ALCAM: variants seen among roughly 807,000 people sequenced by gnomAD.
The protein encoded by ALCAM is CD166 antigen.
A neutral mutation model predicts 70.9 loss-of-function variants in ALCAM; 30 were observed. The observed-to-expected ratio is 0.42, with a 90% confidence interval of 0.32 to 0.57. The LOEUF is 0.57. Among genes scored for constraint, ALCAM ranks in the 20% least tolerant of loss-of-function variants. The pLI, the probability that ALCAM is intolerant of heterozygous loss-of-function variation, is 0.11. For missense variants in ALCAM, 591 were observed against 695.1 expected (o/e 0.85, Z 1.68); for synonymous variants, 249 against 242.5 (o/e 1.03, Z -0.25).
chr3:105,402,451 C>T (rs1936112150), intron 1 of ALCAM, among the ~76,000 whole-genome samples: 1 of 152,164 alleles, frequency 6.6e-6, no homozygotes, highest in South Asian at 2.1e-4. Context: ...TGTGAGTCAG[C>T]TTGCTTTCTC....
At chr3:105,395,241 A>C (rs1445053077) in intron 1 of ALCAM, among the ~76,000 whole-genome samples, 1 of 151,958 alleles carries the variant, frequency 6.6e-6, no homozygotes, top group African/African-American at 2.4e-5. Context: ...AGTGACCACA[A>C]TGGAATATGT....
chr3:105,396,305 G>A (rs924022079), intron 1 of ALCAM, among the ~76,000 whole-genome samples: 13 of 151,852 alleles, frequency 8.6e-5, no homozygotes, highest in Admixed American at 5.9e-4. Context: ...AGAAATAGGA[G>A]GTTTAGGAGC....
intron 1 of ALCAM, among the ~76,000 whole-genome samples, chr3:105,395,452 T>A (rs987242172): frequency 6.6e-6 from 1 of 152,040 alleles, no homozygotes; most frequent in African/African-American, 2.4e-5. Context: ...TAAATTGTTA[T>A]GTATGTATAC....
chr3:105,557,900 A>G (rs1047709482), intron 14 of ALCAM, among the ~76,000 whole-genome samples: 1 of 152,168 alleles, frequency 6.6e-6, no homozygotes. Context: ...TTCTAAGGTT[A>G]TAAAATTGTA....
intron 7 of ALCAM, 47 bp from the exon 8 acceptor site, chr3:105,541,586 T>C (rs1420223056): frequency 5.6e-6 from 9 of 1,597,800 alleles, no homozygotes; most frequent in African/African-American, 1.3e-5. Flanking sequence ...ACTGTTCTCA[T>C]TGTAGCGACC....
chr3:105,389,421 AATAATGGGCTTCTCTG>A (rs1935753796), intron 1 of ALCAM, among the ~76,000 whole-genome samples: 1 of 115,760 alleles, frequency 8.6e-6, no homozygotes, highest in East Asian at 2.6e-4. Flanking sequence ...CAGGAACCTT[AATAATGGGCTTCTCTG>A]AAAGGGAGGC....
At position 105,545,351 on chromosome 3, in the gene ALCAM, G is replaced by C; in HGVS notation, c.1104+16G>C. On this transcript the variant is annotated intron_variant, in intron 9 of 15. Coordinates refer to ENST00000306107, the MANE Select transcript of ALCAM (RefSeq NM_001627.4). The stretch of plus-strand genomic sequence containing the variant: ...ATGGATGAAAGTAAGTAATATTTTT[G>C]GTACTACCCTGCTGTTTGGTTTGAT... 6.4e-7 allele frequency: 1 copy of C among 1,559,092 alleles called. No individual in the cohort carries two copies. The highest frequency in any genetic ancestry group is 8.8e-7 in the Non-Finnish European group (1 of 1,131,978).
intron 1 of ALCAM, among the ~76,000 whole-genome samples, chr3:105,416,318 T>C (rs1049827139): frequency 2.0e-5 from 3 of 152,028 alleles, no homozygotes; most frequent in Non-Finnish European, 4.4e-5. Flanking sequence ...TAACACTCTT[T>C]TAATACACCC....
At chr3:105,497,571 C>T (rs796674129) in intron 1 of ALCAM, among the ~76,000 whole-genome samples, 1 of 152,094 alleles carries the variant, frequency 6.6e-6, no homozygotes, top group Non-Finnish European at 1.5e-5. Flanking sequence ...ATAATAAACG[C>T]CCATCATGGT....
intron 1 of ALCAM, among the ~76,000 whole-genome samples, chr3:105,432,216 G>T (rs779867985): frequency 9.2e-5 from 14 of 152,044 alleles, no homozygotes; most frequent in African/African-American, 2.2e-4. Flanking sequence ...TCGTTTTAGG[G>T]TTTGTTTAAA....
At chr3:105,536,106 T>TG (rs1180971565) in intron 6 of ALCAM, among the ~76,000 whole-genome samples, 1 of 151,690 alleles carries the variant, frequency 6.6e-6, no homozygotes, top group East Asian at 1.9e-4. Context: ...TTTTTTTTTT[T>TG]TGTGTGAGAC....
At chr3:105,382,779 A>G (rs544670893) in intron 1 of ALCAM, among the ~76,000 whole-genome samples, 86 of 151,746 alleles carry the variant, frequency 5.7e-4, no homozygotes, top group African/African-American at 2.0e-3. Flanking sequence ...CCACTTTTTG[A>G]TGGGGTTGTT....
chr3:105,442,614 T>C (rs2152584840), intron 1 of ALCAM, among the ~76,000 whole-genome samples: 1 of 151,938 alleles, frequency 6.6e-6, no homozygotes, highest in South Asian at 2.1e-4. Context: ...ACCCCATCTC[T>C]ACTAAAAACA....
At chr3:105,367,567 G>T (rs936739430) in intron 1 of ALCAM, 86 bp downstream of exon 1, 15 of 1,518,688 alleles carry the variant, frequency 9.9e-6, no homozygotes, top group African/African-American at 1.4e-5. Flanking sequence ...CACCCCCGAG[G>T]CAGTGCGCCC....
chr3:105,381,093 A>G (rs897810959), intron 1 of ALCAM, among the ~76,000 whole-genome samples: 2 of 151,950 alleles, frequency 1.3e-5, no homozygotes, highest in Admixed American at 1.3e-4. Context: ...TGCAATGGGA[A>G]TAATAGCACC....
At chr3:105,562,364 G>T (rs1431227134) in intron 14 of ALCAM, among the ~76,000 whole-genome samples, 2 of 151,980 alleles carry the variant, frequency 1.3e-5, no homozygotes, top group African/African-American at 2.4e-5. Flanking sequence ...CAAATTGTTG[G>T]ATTTTCTCAA....
At chr3:105,406,061 T>G (rs1189306003) in intron 1 of ALCAM, among the ~76,000 whole-genome samples, 2 of 152,218 alleles carry the variant, frequency 1.3e-5, no homozygotes, top group Non-Finnish European at 2.9e-5. Context: ...GCTATATGTC[T>G]ATGTGTAAGT....
At chr3:105,381,594 TA>T (rs1237594180) in intron 1 of ALCAM, among the ~76,000 whole-genome samples, 2 of 151,974 alleles carry the variant, frequency 1.3e-5, no homozygotes, top group Non-Finnish European at 2.9e-5. Context: ...AATTTGAAGC[TA>T]AAAATGAGAT....
At chr3:105,435,360 C>T (rs1457583961) in intron 1 of ALCAM, among the ~76,000 whole-genome samples, 4 of 152,128 alleles carry the variant, frequency 2.6e-5, no homozygotes, top group East Asian at 1.9e-4. Context: ...AATTTAAATC[C>T]GAGTACTTTC....
Sources: allele counts gnomAD v4.1 joint callset (sites outside exome capture counted in the v4.1 genomes callset), GRCh38; gene constraint gnomAD v4.1.1; transcripts MANE v1.5; gene names NCBI Gene and HGNC (gene_info 2026-07-23, HGNC 2026-07-21).